Variants in ITPR2 observed in about 807,000 individuals in gnomAD.
ITPR2 encodes the protein inositol 1,4,5-trisphosphate receptor type 2.
In ITPR2, 207 loss-of-function variants were observed where a neutral mutation model predicts 317.1. The observed-to-expected ratio is 0.65, with a 90% CI of 0.58 to 0.73. The LOEUF (loss-of-function observed/expected upper bound fraction) is 0.73, where lower values mean the gene tolerates loss of function less well. Ranked by LOEUF, ITPR2 falls within the 30% of genes least tolerant of loss-of-function variation. ITPR2 has a pLI of 0.00. For synonymous variants in ITPR2, 1,156 were observed against 1,149.1 expected (o/e 1.01, Z -0.12); for missense variants, 2,613 against 3,284.0 (o/e 0.80, Z 4.99).
At chr12:26,380,863 T>G (rs571534104) in intron 55 of ITPR2, among the ~76,000 whole-genome samples, 1 of 152,324 alleles carries the variant, frequency 6.6e-6, no homozygotes, top group African/African-American at 2.4e-5. Context: ...GAAAACAACA[T>G]TTGGGAAATT....
intron 30 of ITPR2, 130 bp downstream of exon 30, chr12:26,599,015 T>G: frequency 1.3e-6 from 1 of 753,186 alleles, no homozygotes. Context: ...ATATTTGCAC[T>G]TGAGTAGTCA....
chr12:26,784,935 A>G, intron 2 of ITPR2, among the ~76,000 whole-genome samples: 1 of 11,364 alleles, frequency 8.8e-5, no homozygotes, highest in Non-Finnish European at 2.1e-4. Context: ...CTAGGAAGTG[A>G]GGAGCGTCTC....
chr12:26,474,961 C>T (rs919290812), intron 45 of ITPR2, among the ~76,000 whole-genome samples: 11 of 152,162 alleles, frequency 7.2e-5, no homozygotes, highest in Non-Finnish European at 1.2e-4. Flanking sequence ...CCTCACTTCA[C>T]ACTCTGTCTC....
intron 37 of ITPR2, among the ~76,000 whole-genome samples, chr12:26,517,318 A>G (rs1943549602): frequency 6.6e-6 from 1 of 152,236 alleles, no homozygotes; most frequent in East Asian, 1.9e-4. Context: ...TATAATATCC[A>G]GAATCTATAA....
At chr12:26,373,846 T>C (rs967112607) in intron 55 of ITPR2, 3 of 152,238 alleles carry the variant, frequency 2.0e-5, no homozygotes, top group African/African-American at 7.2e-5. Context: ...AGTTCTTCAC[T>C]TGAAGGAGCC....
intron 2 of ITPR2, among the ~76,000 whole-genome samples, chr12:26,742,368 C>T (rs947386461): frequency 6.6e-5 from 10 of 152,118 alleles, no homozygotes; most frequent in African/African-American, 7.2e-5. Flanking sequence ...CAGAGTATGA[C>T]GGAAAACCTG....
chr12:26,409,075 A>T (rs1940454294), intron 52 of ITPR2, among the ~76,000 whole-genome samples: 1 of 152,196 alleles, frequency 6.6e-6, no homozygotes, highest in African/African-American at 2.4e-5. Context: ...TTTTTTAAAA[A>T]GTCATGGATA....
chr12:26,557,498 G>A (rs988240077), intron 35 of ITPR2, among the ~76,000 whole-genome samples: 2 of 152,176 alleles, frequency 1.3e-5, no homozygotes, highest in Non-Finnish European at 2.9e-5. Flanking sequence ...GTGGTGTGTG[G>A]GGAGGTTCTT....
rs140729109 is a variant in ITPR2, at chr12:26,457,912, A to G, written c.6343-14262T>C. Among the ~76,000 whole-genome samples the G allele has an allele frequency of 6.1e-3, 931 of 152,362 alleles. 32 individuals are homozygous for G. Among genetic ancestry groups the G allele is most frequent in the Admixed American group, 0.056 (861 of 15,294 alleles). ...TTTAGATGAGACACAGCACCGATAC[A>G]AAGTAAGTACGTATTGTGCTCAATA... On this transcript the variant is annotated intron_variant, in intron 45 of 56. Coordinates refer to ENST00000381340, the MANE Select transcript of ITPR2 (RefSeq NM_002223.4).
chr12:26,748,283 T>C (rs1949358746), intron 2 of ITPR2, among the ~76,000 whole-genome samples: 1 of 152,088 alleles, frequency 6.6e-6, no homozygotes, highest in Non-Finnish European at 1.5e-5. Flanking sequence ...GGTCTCAAAC[T>C]CCTGACCTCA....
In ITPR2 at chr12:26,567,950, T is replaced by TTATATATATATATATATTATATATATTA. The variant is rs1945020697; in HGVS notation, c.4631-5999_4631-5998insTAATATATATAATATATATATATATATA. 5.3e-5 allele frequency among the ~76,000 whole-genome samples: 6 copies of TTATATATATATATATATTATATATATTA among 112,192 alleles called. 1 individual carries two copies. The highest frequency in any genetic ancestry group is 2.3e-4 in the African/African-American group (6 of 25,766). 73.6% of individuals were successfully genotyped at this position (112,192 alleles called of 152,430 possible). On this transcript the variant is annotated intron_variant, in intron 34 of 56. Coordinates refer to ENST00000381340, the MANE Select transcript of ITPR2 (RefSeq NM_002223.4). ...AGAAAAATTCTGGTATATATATATA[T>TTATATATATATATATATTATATATATTA]TATATATATATATATATATTATATA...
chr12:26,765,364 T>G (rs1319292771), intron 2 of ITPR2, among the ~76,000 whole-genome samples: 1 of 152,098 alleles, frequency 6.6e-6, no homozygotes, highest in Non-Finnish European at 1.5e-5. Flanking sequence ...CTTTGCTTGC[T>G]GGTTAGTTTA....
chr12:26,423,917 A>G (rs1001127926), intron 49 of ITPR2, among the ~76,000 whole-genome samples: 5 of 152,188 alleles, frequency 3.3e-5, no homozygotes, highest in African/African-American at 4.8e-5. Context: ...ATGAATAAAG[A>G]CAATAAAAAA....
chr12:26,442,148 T>C (rs11048523), intron 46 of ITPR2, among the ~76,000 whole-genome samples: 57,682 of 151,926 alleles, frequency 0.38, 12,811 homozygotes, highest in Non-Finnish European at 0.5. Context: ...CCATGTTTTT[T>C]AATACCTTCC....
At chr12:26,696,916 C>A (rs1448363469) in intron 9 of ITPR2, among the ~76,000 whole-genome samples, 1 of 152,188 alleles carries the variant, frequency 6.6e-6, no homozygotes, top group Non-Finnish European at 1.5e-5. Flanking sequence ...TTTACATGAC[C>A]AAACAGATGC....
chr12:26,528,731 TG>T (rs1943871999), intron 37 of ITPR2, among the ~76,000 whole-genome samples: 1 of 152,212 alleles, frequency 6.6e-6, no homozygotes, highest in African/African-American at 2.4e-5. Flanking sequence ...TCATGGATTT[TG>T]GTATTTGTTT....
chr12:26,494,086 G>A, intron 39 of ITPR2, 67 bp downstream of exon 39: 1 of 1,261,134 alleles, frequency 7.9e-7, no homozygotes, highest in Non-Finnish European at 1.1e-6. Flanking sequence ...CTTTTCCTTG[G>A]TTTCTGTGAC....
intron 1 of ITPR2, among the ~76,000 whole-genome samples, chr12:26,824,491 T>C (rs1005106732): frequency 5.3e-5 from 8 of 152,250 alleles, no homozygotes; most frequent in Non-Finnish European, 1.2e-4. Flanking sequence ...GGTAATTATA[T>C]GACTGTCTAT....
At chr12:26,691,560 A>C (rs564994249) in intron 10 of ITPR2, among the ~76,000 whole-genome samples, 1 of 152,232 alleles carries the variant, frequency 6.6e-6, no homozygotes, top group South Asian at 2.1e-4. Flanking sequence ...AAAGCCACAT[A>C]GCCTCTCAAG....
Sources: allele counts gnomAD v4.1 joint callset (sites outside exome capture counted in the v4.1 genomes callset), GRCh38; gene constraint gnomAD v4.1.1; transcripts MANE v1.5; gene names NCBI Gene and HGNC (gene_info 2026-07-23, HGNC 2026-07-21).